Variants in RNF128 observed in about 807,000 individuals in gnomAD.
RNF128 encodes E3 ubiquitin-protein ligase RNF128.
Under a neutral mutation model 26.2 loss-of-function variants are expected in RNF128, and 13 were observed. That is an observed-to-expected ratio of 0.50 (90% CI 0.32 to 0.79). The LOEUF is 0.79. Among genes scored for constraint, RNF128 ranks in the 30% least tolerant of loss-of-function variants. The probability of loss-of-function intolerance (pLI) is 0.03; values close to 1 mark genes in which losing one functional copy is unlikely to be tolerated. For missense variants in RNF128, 315 were observed against 349.7 expected (o/e 0.90, Z 0.79); for synonymous variants, 149 against 142.5 (o/e 1.05, Z -0.32).
At chrX:106,768,711 C>T (rs1222756929) in intron 1 of RNF128, among the ~76,000 whole-genome samples, 1 of 111,171 alleles carries the variant, frequency 9.0e-6, no homozygotes, top group Non-Finnish European at 1.9e-5. Flanking sequence ...GTGTCTCTAT[C>T]TCCTTCTCTT....
intron 2 of RNF128, among the ~76,000 whole-genome samples, chrX:106,777,285 G>T (rs757010140): frequency 9.2e-4 from 103 of 111,957 alleles, no homozygotes; most frequent in Non-Finnish European, 1.5e-3. Context: ...ATTGCTCTGT[G>T]CAAGTCTATC....
At chrX:106,756,885 T>G (rs1166746024) in intron 1 of RNF128, among the ~76,000 whole-genome samples, 8 of 91,151 alleles carry the variant, frequency 8.8e-5, no homozygotes, top group African/African-American at 3.5e-4. Context: ...TCAAACAAAT[T>G]TACAAGAAAA....
In RNF128 at chrX:106,727,064, T is replaced by C; in HGVS notation, c.151T>C (p.Trp51Arg). The change falls in exon 1 of 7, where the codon TGG (tryptophan) becomes CGG (arginine). Residue 51 changes from tryptophan to arginine, a missense_variant. Coordinates refer to ENST00000255499, the MANE Select transcript of RNF128 (RefSeq NM_194463.2). ...GTGGACCGCGTACCTCAACGTGTCC[T>C]GGCGGGTTCCGCACACGGGAGTGAA... ...AVWTAYLNVS[W>R]RVPHTGVNRT... 3.3e-6 allele frequency: 4 copies of C among 1,204,425 alleles called. No homozygotes were observed. The highest frequency in any genetic ancestry group is 3.4e-6 in the Non-Finnish European group (3 of 891,979).
Position 106,795,800 on chromosome X carries a change from T to A in RNF128, c.*87T>A. On this transcript the variant is annotated 3_prime_UTR_variant, in exon 7 of 7. Transcript: ENST00000255499. ...TTTCTATTAATAAATTGGATAAATT[T>A]AATAAAATAAGAGTGATACTGAAAG... 1 of 810,438 alleles carries A rather than the reference T, an allele frequency of 1.2e-6. No individual in the cohort carries two copies. Among genetic ancestry groups the A allele is most frequent in the Non-Finnish European group, 1.7e-6 (1 of 581,654 alleles). 66.8% of individuals were successfully genotyped at this position (810,438 alleles called of 1,213,427 possible).
At chrX:106,724,546 C>A (rs1929363839), upstream of RNF128, among the ~76,000 whole-genome samples, 2 of 112,208 alleles carry the variant, frequency 1.8e-5, no homozygotes, top group Admixed American at 9.5e-5. Flanking sequence ...ACCACCCTCC[C>A]TCTGTTACTT....
chrX:106,790,765 T>G (rs1424248250), intron 5 of RNF128, among the ~76,000 whole-genome samples: 1 of 110,666 alleles, frequency 9.0e-6, no homozygotes, highest in Non-Finnish European at 1.9e-5. Flanking sequence ...GGGGACAGCA[T>G]GATGTTTTTT....
intron 1 of RNF128, among the ~76,000 whole-genome samples, chrX:106,713,500 A>G (rs1929165110): frequency 9.0e-6 from 1 of 111,187 alleles, no homozygotes; most frequent in Non-Finnish European, 1.9e-5. Context: ...AGTGAGACTC[A>G]GTCTCAAAAA....
At chrX:106,725,936 A>AC (rs1929385111), upstream of RNF128, among the ~76,000 whole-genome samples, 1 of 113,559 alleles carries the variant, frequency 8.8e-6, no homozygotes, top group Non-Finnish European at 1.9e-5. Context: ...GCCATGAGTG[A>AC]ATCGCCTAGG....
At chrX:106,704,296 G>A (rs767682122) in intron 1 of RNF128, among the ~76,000 whole-genome samples, 9 of 109,911 alleles carry the variant, frequency 8.2e-5, no homozygotes, top group South Asian at 3.9e-4. Context: ...AGCCAGGCGT[G>A]GTGGCTGGCG....
At chrX:106,769,298 A>T (rs1930319516) in intron 1 of RNF128, among the ~76,000 whole-genome samples, 1 of 110,778 alleles carries the variant, frequency 9.0e-6, no homozygotes, top group Admixed American at 9.6e-5. Flanking sequence ...TGATCTGTCT[A>T]ATGTTGACAG....
At chrX:106,788,611 C>G (rs1470883037) in intron 4 of RNF128, among the ~76,000 whole-genome samples, 1 of 49,155 alleles carries the variant, frequency 2.0e-5, no homozygotes, top group Non-Finnish European at 3.2e-5. Flanking sequence ...AATACATATA[C>G]TCTATATTAT....
intron 2 of RNF128, among the ~76,000 whole-genome samples, chrX:106,777,927 G>A (rs1930497525): frequency 9.0e-6 from 1 of 111,621 alleles, no homozygotes; most frequent in African/African-American, 3.3e-5. Context: ...CCGAGATCAT[G>A]CCACTGCTCT....
At chrX:106,768,812 T>G (rs1446494918) in intron 1 of RNF128, among the ~76,000 whole-genome samples, 1 of 111,960 alleles carries the variant, frequency 8.9e-6, no homozygotes, top group Non-Finnish European at 1.9e-5. Context: ...GATATTAGGG[T>G]GTCAATTTTA....
exon 1 of RNF128, chrX:106,694,282 C>G: frequency 8.3e-7 from 1 of 1,210,489 alleles, no homozygotes; most frequent in Non-Finnish European, 1.1e-6. Context: ...CTGGATTGCG[C>G]TGATAGAAAG....
chrX:106,714,802 T>A (rs1356635953), intron 1 of RNF128, among the ~76,000 whole-genome samples: 1 of 112,184 alleles, frequency 8.9e-6, no homozygotes, highest in Non-Finnish European at 1.9e-5. Context: ...AATCTCATTG[T>A]ATGTAAACTT....
At chrX:106,758,189 CAAATA>C (rs904114863) in intron 1 of RNF128, among the ~76,000 whole-genome samples, 10 of 111,387 alleles carry the variant, frequency 9.0e-5, no homozygotes, top group African/African-American at 2.0e-4. Flanking sequence ...ACAATAACAA[CAAATA>C]AAATAAAGTA....
intron 1 of RNF128, among the ~76,000 whole-genome samples, chrX:106,704,233 A>C (rs1929005224): frequency 9.1e-6 from 1 of 109,857 alleles, no homozygotes; most frequent in African/African-American, 3.3e-5. Context: ...CAGGAGATCA[A>C]AACCATCCTA....
intron 1 of RNF128, among the ~76,000 whole-genome samples, chrX:106,761,948 T>G: frequency 9.1e-6 from 1 of 110,316 alleles, no homozygotes; most frequent in East Asian, 2.8e-4. Flanking sequence ...CTGTCTTTTT[T>G]TTTTTAAAGA....
intron 1 of RNF128, among the ~76,000 whole-genome samples, chrX:106,735,888 T>C (rs1929588388): frequency 9.0e-6 from 1 of 110,777 alleles, no homozygotes; most frequent in Non-Finnish European, 1.9e-5. Context: ...ATTGTATCAC[T>C]AGCTTTTTTT....
Sources: allele counts gnomAD v4.1 joint callset (sites outside exome capture counted in the v4.1 genomes callset), GRCh38; gene constraint gnomAD v4.1.1; transcripts MANE v1.5; gene names NCBI Gene and HGNC (gene_info 2026-07-23, HGNC 2026-07-21).